Variants in ARMC10 observed in about 807,000 individuals in gnomAD.
ARMC10 encodes armadillo repeat containing 10, also known as armadillo repeat-containing protein 10.
ARMC10 carries 23 observed loss-of-function variants against 30.2 expected under a neutral mutation model. The ratio of observed to expected loss-of-function variants is 0.76; its 90% CI spans 0.55 to 1.08. The LOEUF is 1.08. ARMC10 is among the 50% of genes least tolerant of loss of function. The pLI is 0.00. For missense variants in ARMC10, 303 were observed against 413.7 expected (o/e 0.73, Z 2.32); for synonymous variants, 111 against 164.4 (o/e 0.68, Z 2.48).
chr7:103,095,920 T>C (rs1018091254), intron 5 of ARMC10: 10 of 142,886 alleles, frequency 7.0e-5, no homozygotes, highest in Admixed American at 3.5e-4. Context: ...AACATCACAC[T>C]CTGGGGACTG....
chr7:103,090,209 A>AT (rs1296759369), intron 4 of ARMC10, among the ~76,000 whole-genome samples: 3 of 152,260 alleles, frequency 2.0e-5, no homozygotes, highest in Non-Finnish European at 4.4e-5. Flanking sequence ...AGATTCAGAT[A>AT]TAATAAGGAT....
rs758798389 is a variant in ARMC10, at chr7:103,098,527, G to A, written c.1006G>A (p.Val336Ile). 270 of 1,580,588 alleles carry A rather than the reference G, an allele frequency of 1.7e-4. No homozygotes were observed. The highest frequency in any genetic ancestry group is 2.1e-4 in the Non-Finnish European group (241 of 1,165,120). ...DHHDAEVKEKVVTIIPKI is the reference protein window; with the variant it reads ...DHHDAEVKEKIVTIIPKI Reference sequence around the variant, plus strand: ...CCATGATGCAGAGGTGAAGGAAAAGGTTGTAACAATAATACCCAAAATCTG... The same window carrying A: ...CCATGATGCAGAGGTGAAGGAAAAGATTGTAACAATAATACCCAAAATCTG... The change falls in exon 7 of 7, where the codon GTT (valine) becomes ATT (isoleucine). Residue 336 changes from valine (V) to isoleucine (I), a missense_variant. Val to Ile is a conservative substitution (Grantham distance 29, BLOSUM62 3). This residue lies in a region of ARMC10 where 26 missense variants were observed against 94.7 expected (regional missense o/e 0.27). Transcript: ENST00000323716.
intron 4 of ARMC10, among the ~76,000 whole-genome samples, chr7:103,087,442 G>GTA (rs767272890): frequency 1.8e-4 from 27 of 152,122 alleles, no homozygotes; most frequent in Non-Finnish European, 3.2e-4. Context: ...CAGTTAACCT[G>GTA]TAAAAAAAAT....
chr7:103,082,506 T>TTA lies in ARMC10; in HGVS notation c.245-1175_245-1174insAT, dbSNP rs201777602. 1.3e-3 allele frequency among the ~76,000 whole-genome samples: 39 copies of TTA among 29,444 alleles called. 1 individual carries two copies. In the South Asian group the frequency reaches 0.12, roughly 87 times the overall value. The allele number at this position is 29,444 out of a possible 152,430, so 19.3% of individuals were successfully genotyped here. The stretch of plus-strand genomic sequence containing the variant: ...CACCTTTAACAATTTTATTTACTTA[T>TTA]TTTTTTTTTAATAGAGACAGGGTCT... On this transcript the variant is annotated intron_variant, in intron 2 of 6. Transcript: ENST00000323716.
intron 4 of ARMC10, chr7:103,087,878 T>C: frequency 5.8e-6 from 4 of 693,328 alleles, no homozygotes; most frequent in Non-Finnish European, 7.1e-6. Context: ...ATTACTATGC[T>C]ATGAAGCAAA....
chr7:103,088,636 C>T, intron 4 of ARMC10: 1 of 189,758 alleles, frequency 5.3e-6, no homozygotes, highest in Non-Finnish European at 1.2e-5. Flanking sequence ...CAAAAGACAA[C>T]CTCTGAAATC....
At position 103,077,293 on chromosome 7, in the gene ARMC10, C is replaced by CTT. The variant is rs11414199; in HGVS notation, c.244+1422_244+1423dup. Among the ~76,000 whole-genome samples, 145 of 148,068 alleles carry CTT rather than the reference C, an allele frequency of 9.8e-4. 1 individual carries two copies. The highest frequency in any genetic ancestry group is 1.7e-3 in the Admixed American group (25 of 14,870). On this transcript the variant is annotated intron_variant, in intron 2 of 6. Coordinates refer to ENST00000323716, the MANE Select transcript of ARMC10 (RefSeq NM_031905.5). ...ACTTTTGCCACTAGGTATAATTCAG[C>CTT]TTTTTTTTTTTAAAGATTTGTATGT... is the stretch of plus-strand genomic sequence containing the variant.
intron 3 of ARMC10, 107 bp from the exon 4 acceptor site, chr7:103,086,523 C>T: frequency 2.4e-6 from 3 of 1,256,140 alleles, no homozygotes; most frequent in Admixed American, 2.7e-5. Flanking sequence ...AAGAGATTTC[C>T]AAAAAGCCGT....
In ARMC10 at chr7:103,095,210, C is replaced by G. The variant is rs145099289; in HGVS notation, c.706-2067C>G. ...TGAGCTTCCAGGCTCAAACAATCCT[C>G]CTACCTCAGCCTCCCTGGGACTTTG... is the stretch of plus-strand genomic sequence containing the variant. On this transcript the variant is annotated intron_variant, in intron 5 of 6. Coordinates refer to ENST00000323716, the MANE Select transcript of ARMC10 (RefSeq NM_031905.5). Among the ~76,000 whole-genome samples the G allele has an allele frequency of 4.1e-4, 63 of 152,274 alleles. 1 individual carries two copies. In the East Asian group the frequency reaches 0.012, roughly 29 times the overall value.
At chr7:103,088,757 AT>A in intron 4 of ARMC10, 1 of 188,410 alleles carries the variant, frequency 5.3e-6, no homozygotes. Flanking sequence ...GTGAGAACTT[AT>A]TACAGGTTTC....
In ARMC10 at chr7:103,099,216, A is replaced by G. The variant is rs893019952; in HGVS notation, c.*663A>G. ...CTGGGCGCGGTGGCTCTTGCCTGTA[A>G]TCCCAGCACTTTGGGAGGCTGAGGC... On this transcript the variant is annotated 3_prime_UTR_variant, in exon 7 of 7. Transcript: ENST00000323716. 6.7e-6 allele frequency: 1 copy of G among 149,012 alleles called. No individual in the cohort carries two copies. The highest frequency in any genetic ancestry group is 2.5e-5 in the African/African-American group (1 of 40,696). 9.2% of individuals were successfully genotyped at this position (149,012 alleles called of 1,614,324 possible). A position where few individuals can be genotyped will look rare whatever the true frequency, so the allele number is the denominator to read the frequency against.
intron 4 of ARMC10, among the ~76,000 whole-genome samples, chr7:103,090,867 G>A (rs1801256618): frequency 6.6e-6 from 1 of 152,182 alleles, no homozygotes; most frequent in African/African-American, 2.4e-5. Context: ...AGGTGACAGA[G>A]TGAGACCCTG....
intron 5 of ARMC10, among the ~76,000 whole-genome samples, chr7:103,093,204 T>C (rs1801499791): frequency 6.6e-6 from 1 of 152,208 alleles, no homozygotes; most frequent in East Asian, 1.9e-4. Context: ...TTCTTATCAA[T>C]TGCCATTTTT....
intron 2 of ARMC10, among the ~76,000 whole-genome samples, chr7:103,082,860 C>T (rs1456686770): frequency 6.6e-6 from 1 of 152,124 alleles, no homozygotes; most frequent in East Asian, 1.9e-4. Context: ...TATCCTAGCT[C>T]TTCTTCAAAA....
intron 5 of ARMC10, among the ~76,000 whole-genome samples, chr7:103,094,194 C>T (rs1046329500): frequency 6.6e-6 from 1 of 151,836 alleles, no homozygotes; most frequent in African/African-American, 2.4e-5. Context: ...CTGTAATAAC[C>T]GTTTGGGTAC....
At chr7:103,092,101 G>A (rs1270147568) in intron 4 of ARMC10, among the ~76,000 whole-genome samples, 1 of 152,148 alleles carries the variant, frequency 6.6e-6, no homozygotes, top group African/African-American at 2.4e-5. Context: ...GGGAGGCCGA[G>A]GCGGGCGGAT....
At chr7:103,084,433 A>G (rs964787034) in intron 3 of ARMC10, among the ~76,000 whole-genome samples, 24 of 152,240 alleles carry the variant, frequency 1.6e-4, no homozygotes, top group Admixed American at 2.6e-4. Flanking sequence ...TTTTGAATTT[A>G]TAGTTTTTTT....
chr7:103,092,760 T>A, intron 5 of ARMC10, 107 bp downstream of exon 5: 1 of 757,586 alleles, frequency 1.3e-6, no homozygotes, highest in Non-Finnish European at 1.9e-6. Flanking sequence ...AAAACTCACA[T>A]GGGCCCAAGA....
Position 103,075,230 on chromosome 7 carries a change from C to T in ARMC10, c.-43C>T, listed in dbSNP as rs891931597. 8.7e-7 allele frequency: 1 copy of T among 1,150,910 alleles called. No homozygotes were observed. The highest frequency in any genetic ancestry group is 1.6e-5 in the African/African-American group (1 of 61,586). 71.3% of individuals were successfully genotyped at this position (1,150,910 alleles called of 1,614,324 possible). On this transcript the variant is annotated 5_prime_UTR_variant, in exon 1 of 7. Coordinates refer to ENST00000323716, the MANE Select transcript of ARMC10 (RefSeq NM_031905.5). The stretch of plus-strand genomic sequence containing the variant: ...GACCTCCGCGCTGGCCCCCGCGAGC[C>T]TCCTGCCCTGGCCCGGCGCTGCGGC...
Sources: allele counts gnomAD v4.1 joint callset (sites outside exome capture counted in the v4.1 genomes callset), GRCh38; gene constraint gnomAD v4.1.1; regional missense constraint gnomAD v4.1.1; transcripts MANE v1.5; gene names NCBI Gene and HGNC (gene_info 2026-07-23, HGNC 2026-07-21).